The following SLC44A4 variants were observed in gnomAD, a reference collection of about 807,000 sequenced individuals.
SLC44A4 encodes choline transporter-like protein 4.
Under a neutral mutation model 97.0 loss-of-function variants are expected in SLC44A4, and 74 were observed. That is an observed-to-expected ratio of 0.76 (90% CI 0.63 to 0.93). The LOEUF (loss-of-function observed/expected upper bound fraction) is 0.93, where lower values mean the gene tolerates loss of function less well. Ranked by LOEUF, SLC44A4 falls within the 40% of genes least tolerant of loss-of-function variation. SLC44A4 has a pLI of 0.00. For missense variants in SLC44A4, 799 were observed against 902.9 expected (o/e 0.88, Z 1.48); for synonymous variants, 325 against 363.8 (o/e 0.89, Z 1.21).
Position 31,865,462 on chromosome 6 carries a change from G to C in SLC44A4, c.1686+36C>G. 1 of 1,611,628 alleles carries C rather than the reference G, an allele frequency of 6.2e-7. No individual in the cohort carries two copies. The highest frequency in any genetic ancestry group is 2.2e-5 in the East Asian group (1 of 44,872). ...AGGATGGGGGTGTCTAGACCAAAGG[G>C]CACCAGAACAAAGGGTTGCTTGCAG... On this transcript the variant is annotated intron_variant, in intron 16 of 20. Coordinates refer to ENST00000229729, the MANE Select transcript of SLC44A4 (RefSeq NM_025257.3). The surrounding 1 kb of genome is among the most constrained non-coding windows in gnomAD (Gnocchi z 5.2).
In SLC44A4 at chr6:31,870,597, C is replaced by T; in HGVS notation, c.1037+6G>A. On this transcript the variant is annotated splice_donor_region_variant and intron_variant, in intron 11 of 20. Transcript: ENST00000229729. The stretch of plus-strand genomic sequence containing the variant: ...AACCCCATCTCCCTCCCAGGCAGGC[C>T]CTAACTTGCTGGCCTCCTTCAGGAG... 6.3e-7 allele frequency: 1 copy of T among 1,589,514 alleles called. No individual in the cohort carries two copies. Among genetic ancestry groups the T allele is most frequent in the East Asian group, 2.3e-5 (1 of 43,170 alleles).
At position 31,865,969 on chromosome 6, in the gene SLC44A4, ACG is replaced by A; in HGVS notation, c.1389_1390del (p.Val464ProfsTer59). ...GAAGGAGGCAAAGGCTCCAGCGAGG[ACG>A]CATTGGCCCAGGGCCAGTACCCAGT... On this transcript the variant is annotated frameshift_variant, in exon 14 of 21. Coordinates refer to ENST00000229729, the MANE Select transcript of SLC44A4 (RefSeq NM_025257.3). LOFTEE classifies it high-confidence loss of function. The surrounding 1 kb of genome is among the most constrained non-coding windows in gnomAD (Gnocchi z 5.2). 6.2e-7 allele frequency: 1 copy of A among 1,614,230 alleles called. No homozygotes were observed. The highest frequency in any genetic ancestry group is 8.5e-7 in the Non-Finnish European group (1 of 1,180,040).
chr6:31,875,969 G>T (rs747041553), intron 3 of SLC44A4, 39 bp from the exon 4 acceptor site: 1 of 1,613,146 alleles, frequency 6.2e-7, no homozygotes, highest in South Asian at 1.1e-5. Flanking sequence ...GGAGGGCAGG[G>T]ACTTAGTGGG....
At chr6:31,869,062 G>A in intron 13 of SLC44A4, 93 bp downstream of exon 13, 2 of 1,055,454 alleles carry the variant, frequency 1.9e-6, no homozygotes, top group Non-Finnish European at 2.7e-6. Flanking sequence ...CTTGCCCTCT[G>A]TGGCCTCAGT....
rs767461106 is a variant in SLC44A4, at chr6:31,875,047, C to T, written c.243-19G>A. ...CTTATCTCTGTGGGAGGGGAGGGAC[C>T]ATGTGCATCAGGGCCTGGTCAGGTG... is the stretch of plus-strand genomic sequence containing the variant. On this transcript the variant is annotated intron_variant, in intron 4 of 20. Transcript: ENST00000229729. The T allele has an allele frequency of 1.3e-6, 2 of 1,592,194 alleles. No homozygotes were observed. The highest frequency in any genetic ancestry group is 2.2e-5 in the South Asian group (2 of 90,542).
chr6:31,874,186 CA>C lies in SLC44A4; in HGVS notation c.529+273del. ...GATTTTCATACAGTCTCTTTGTGAA[CA>C]ACTCTAATCTCTTCACCTAGAATGT... is the stretch of plus-strand genomic sequence containing the variant. On this transcript the variant is annotated intron_variant, in intron 7 of 20. Transcript: ENST00000229729. The surrounding 1 kb of genome is among the most constrained non-coding windows in gnomAD (Gnocchi z 4.8). Among the ~76,000 whole-genome samples the C allele has an allele frequency of 6.6e-6, 1 of 152,028 alleles. No individual in the cohort carries two copies. The highest frequency in any genetic ancestry group is 1.9e-4 in the East Asian group (1 of 5,186).
At chr6:31,867,742 AAAAG>A (rs959420896) in intron 13 of SLC44A4, among the ~76,000 whole-genome samples, 5 of 152,048 alleles carry the variant, frequency 3.3e-5, no homozygotes, top group African/African-American at 7.2e-5. Flanking sequence ...AAAAAAAAGA[AAAAG>A]AAAAAGAACC....
In SLC44A4 at chr6:31,864,633, G is replaced by A. The variant is rs902842799; in HGVS notation, c.2011+19C>T. 2.0e-5 allele frequency: 32 copies of A among 1,610,582 alleles called. No individual in the cohort carries two copies. In the Middle Eastern group the frequency reaches 6.6e-4, roughly 33 times the overall value. ...CAGTACTTTAAGGTTGGGGACAGGT[G>A]GCTGGGGGTGTCACTCACGGAAGCA... On this transcript the variant is annotated intron_variant, in intron 20 of 20. Coordinates refer to ENST00000229729, the MANE Select transcript of SLC44A4 (RefSeq NM_025257.3).
chr6:31,870,757 T>C, intron 10 of SLC44A4, 55 bp from the exon 11 acceptor site: 12 of 1,611,900 alleles, frequency 7.4e-6, no homozygotes, highest in South Asian at 1.1e-5. Context: ...GGGCCGGGCA[T>C]GGCCCAGGGC....
intron 20 of SLC44A4, chr6:31,864,442 C>G: frequency 1.7e-6 from 1 of 602,234 alleles, no homozygotes; most frequent in East Asian, 2.7e-5. Flanking sequence ...TCAGAATGCT[C>G]CTTCTTTGGA....
At chr6:31,872,263 T>C (rs1264371751) in intron 7 of SLC44A4, among the ~76,000 whole-genome samples, 2 of 152,200 alleles carry the variant, frequency 1.3e-5, no homozygotes, top group African/African-American at 4.8e-5. Context: ...TGAGTCAAGG[T>C]CTTGCTCTGT....
At chr6:31,875,090 C>A in intron 4 of SLC44A4, 62 bp from the exon 5 acceptor site, 1 of 1,344,360 alleles carries the variant, frequency 7.4e-7, no homozygotes, top group Non-Finnish European at 1.1e-6. Flanking sequence ...AGGGGAGGGA[C>A]CACTAGGGTG....
chr6:31,868,146 A>G (rs1762960942), intron 13 of SLC44A4, among the ~76,000 whole-genome samples: 1 of 152,172 alleles, frequency 6.6e-6, no homozygotes, highest in Non-Finnish European at 1.5e-5. Context: ...GGGTGGGGCT[A>G]ATGCCTGCAG....
At chr6:31,873,644 A>G (rs1413933892) in intron 7 of SLC44A4, among the ~76,000 whole-genome samples, 1 of 151,868 alleles carries the variant, frequency 6.6e-6, no homozygotes, top group African/African-American at 2.4e-5. Context: ...AAAAAAAAAA[A>G]AAGACATTTG....
chr6:31,875,829 CCTCTT>C lies in SLC44A4; in HGVS notation c.242+18_242+22del. ...CCCTACCTCGCCTCGCTCCTGCACT[CCTCTT>C]CTCGCCTTTGTACTCACTTGTTCTC... is the stretch of plus-strand genomic sequence containing the variant. On this transcript the variant is annotated intron_variant, in intron 4 of 20. Coordinates refer to ENST00000229729, the MANE Select transcript of SLC44A4 (RefSeq NM_025257.3). 6.3e-7 allele frequency: 1 copy of C among 1,587,998 alleles called. No homozygotes were observed. The highest frequency in any genetic ancestry group is 1.3e-5 in the African/African-American group (1 of 74,650).
rs1337920270 is a variant in SLC44A4 at position 31,874,064 on chromosome 6, G to A, written c.529+396C>T. Among the ~76,000 whole-genome samples, 6 of 151,886 alleles carry A rather than the reference G, an allele frequency of 4.0e-5. No individual in the cohort carries two copies. The highest frequency in any genetic ancestry group is 1.9e-4 in the East Asian group (1 of 5,182). ...CGGGAGGCGGGGGTTGCAGTGAGCC[G>A]AGATCACGCCACTGCACTCCAGCCT... is the stretch of plus-strand genomic sequence containing the variant. On this transcript the variant is annotated intron_variant, in intron 7 of 20. Transcript: ENST00000229729. The surrounding 1 kb of genome is among the most constrained non-coding windows in gnomAD (Gnocchi z 4.8).
rs1763333145 is a variant in SLC44A4, at chr6:31,874,463, G to A, written c.526C>T (p.Pro176Ser). Reference sequence around the variant, plus strand: ...GGAAGGAATCTGTGCTTCTCACCTGGAGCAGAGGGGAGGAGGAAACTGGGG... The same window carrying A: ...GGAAGGAATCTGTGCTTCTCACCTGAAGCAGAGGGGAGGAGGAAACTGGGG... ...LCPSFLLPSAPALGRCFPWTN... is the reference protein window; with the variant it reads ...LCPSFLLPSASALGRCFPWTN... The change falls in exon 7 of 21, where the codon CCA becomes TCA. Residue 176 changes from proline (P) to serine (S), a missense_variant. Pro to Ser is a moderately conservative substitution (Grantham distance 74). Coordinates refer to ENST00000229729, the MANE Select transcript of SLC44A4 (RefSeq NM_025257.3). The surrounding 1 kb of genome is among the most constrained non-coding windows in gnomAD (Gnocchi z 4.8). 2 of 1,613,064 alleles carry A rather than the reference G, an allele frequency of 1.2e-6. No homozygotes were observed. Among genetic ancestry groups the A allele is most frequent in the Non-Finnish European group, 1.7e-6 (2 of 1,180,016 alleles).
In SLC44A4 at chr6:31,878,883, C is replaced by G; in HGVS notation, c.40+58G>C. ...CCTGGAGCCAGCCCCAGACACCATT[C>G]CCAAAGTACCCGTCCTCCCCTCCCT... On this transcript the variant is annotated intron_variant, in intron 1 of 20. Transcript: ENST00000229729. This position sits in a 1 kb window ranked among gnomAD's most constrained non-coding sequence, Gnocchi z 4.0. 6.3e-7 allele frequency: 1 copy of G among 1,583,618 alleles called. No homozygotes were observed. The highest frequency in any genetic ancestry group is 8.7e-7 in the Non-Finnish European group (1 of 1,152,442).
At position 31,878,601 on chromosome 6, in the gene SLC44A4, G is replaced by C. The variant is rs1018923730; in HGVS notation, c.40+340C>G. ...CCTATTCTGCTCAGGGCCCCAACCT[G>C]CCACCTTCCATCTCGGCTTTGTTTC... is the stretch of plus-strand genomic sequence containing the variant. On this transcript the variant is annotated intron_variant, in intron 1 of 20. Transcript: ENST00000229729. This position sits in a 1 kb window ranked among gnomAD's most constrained non-coding sequence, Gnocchi z 4.0. 6.6e-6 allele frequency among the ~76,000 whole-genome samples: 1 copy of C among 152,000 alleles called. No homozygotes were observed. Among genetic ancestry groups the C allele is most frequent in the African/African-American group, 2.4e-5 (1 of 41,362 alleles).
Sources: gnomAD v4.1 joint callset for allele counts (sites outside exome capture counted in the v4.1 genomes callset) on GRCh38, gnomAD v4.1.1 for gene constraint, Gnocchi (gnomAD v3.1) non-coding constraint, MANE v1.5 for transcripts, NCBI Gene and HGNC (gene_info 2026-07-23, HGNC 2026-07-21) for gene names.